The following ARHGAP6 variants were observed in gnomAD, a reference collection of about 807,000 sequenced individuals.
ARHGAP6 encodes the protein rho GTPase-activating protein 6.
In ARHGAP6, 16 loss-of-function variants were observed where a neutral mutation model predicts 55.7. The observed-to-expected ratio is 0.29, with a 90% CI of 0.19 to 0.44. The LOEUF is 0.44. Among genes scored for constraint, ARHGAP6 ranks in the 20% least tolerant of loss-of-function variants. ARHGAP6 has a pLI of 1.00. For missense variants in ARHGAP6, 698 were observed against 808.9 expected, an observed-to-expected ratio of 0.86 and a Z score of 1.66; for synonymous variants, 382 against 360.9, an observed-to-expected ratio of 1.06 and a Z score of -0.66.
chrX:11,546,145 C>CATAT (rs770511041), intron 1 of ARHGAP6, among the ~76,000 whole-genome samples: 6 of 107,527 alleles, frequency 5.6e-5, no homozygotes, highest in South Asian at 4.0e-4. Flanking sequence ...TAAAGTAAAA[C>CATAT]ATATATATAT....
In ARHGAP6 at chrX:11,174,570, C is replaced by CT. The variant is rs1397306319; in HGVS notation, c.1629+3529dup. Among the ~76,000 whole-genome samples the CT allele has an allele frequency of 6.8e-3, 446 of 65,352 alleles. 6 individuals carry two copies. Among genetic ancestry groups the CT allele is most frequent in the African/African-American group, 8.2e-3 (118 of 14,425 alleles). 56.8% of individuals were successfully genotyped at this position (65,352 alleles called of 115,157 possible). On this transcript the variant is annotated intron_variant, in intron 8 of 12. Coordinates refer to ENST00000337414, the MANE Select transcript of ARHGAP6 (RefSeq NM_013427.3). Reference sequence around the variant, plus strand: ...CCTTCCTTCCTTCCTTCCTTCCTTCCTTCCTTTCTTTCTTTCTTTCTTTTT... The same window carrying CT: ...CCTTCCTTCCTTCCTTCCTTCCTTCCTTTCCTTTCTTTCTTTCTTTCTTTTT...
intron 1 of ARHGAP6, among the ~76,000 whole-genome samples, chrX:11,547,899 T>G (rs1325262446): frequency 9.0e-6 from 1 of 111,582 alleles, no homozygotes; most frequent in Non-Finnish European, 1.9e-5. Context: ...GAGTAATAAA[T>G]GAGTATCTGA....
At chrX:11,304,564 G>C (rs2048213312) in intron 1 of ARHGAP6, among the ~76,000 whole-genome samples, 1 of 109,443 alleles carries the variant, frequency 9.1e-6, no homozygotes, top group African/African-American at 3.3e-5. Flanking sequence ...AGGGTAACAG[G>C]AGAGCAACAC....
At chrX:11,147,988 G>A (rs747090211) in intron 10 of ARHGAP6, among the ~76,000 whole-genome samples, 3 of 112,313 alleles carry the variant, frequency 2.7e-5, no homozygotes, top group East Asian at 5.6e-4. Flanking sequence ...AGCTTCTTGA[G>A]TGGGCATTAC....
At chrX:11,650,916 T>G (rs1415177531) in intron 1 of ARHGAP6, among the ~76,000 whole-genome samples, 2 of 112,162 alleles carry the variant, frequency 1.8e-5, no homozygotes, top group African/African-American at 6.5e-5. Flanking sequence ...CTCAGCATTT[T>G]GACACATTCT....
intron 1 of ARHGAP6, among the ~76,000 whole-genome samples, chrX:11,436,370 G>A (rs1309246937): frequency 8.9e-6 from 1 of 112,228 alleles, no homozygotes; most frequent in Admixed American, 9.5e-5. Context: ...GTTGAAGGAG[G>A]ACATAAAGAT....
intron 1 of ARHGAP6, chrX:11,335,757 C>T: frequency 3.2e-6 from 1 of 309,407 alleles, no homozygotes; most frequent in South Asian, 3.4e-5. Flanking sequence ...CTCTTAAAGG[C>T]TTTGGTGGTT....
At chrX:11,149,445 T>G (rs2045743729) in intron 10 of ARHGAP6, among the ~76,000 whole-genome samples, 1 of 109,027 alleles carries the variant, frequency 9.2e-6, no homozygotes, top group Non-Finnish European at 1.9e-5. Context: ...AAGACTTTCT[T>G]GAATGGAGTA....
intron 1 of ARHGAP6, among the ~76,000 whole-genome samples, chrX:11,410,350 T>TC (rs1299575227): frequency 8.9e-6 from 1 of 112,310 alleles, no homozygotes; most frequent in Admixed American, 9.4e-5. Context: ...GACAACACAC[T>TC]CAGTGAAAGG....
chrX:11,265,935 G>C (rs1241624813), intron 1 of ARHGAP6: 27 of 950,901 alleles, frequency 2.8e-5, no homozygotes, highest in Non-Finnish European at 3.3e-5. Context: ...CTTTTCATCG[G>C]ATCATTGAGA....
intron 1 of ARHGAP6, among the ~76,000 whole-genome samples, chrX:11,600,078 T>C: frequency 9.0e-6 from 1 of 111,580 alleles, no homozygotes; most frequent in Middle Eastern, 4.6e-3. Flanking sequence ...GAAACTCTCA[T>C]AGGTGGGTGG....
At chrX:11,228,723 A>C (rs908325550) in intron 2 of ARHGAP6, among the ~76,000 whole-genome samples, 2 of 112,319 alleles carry the variant, frequency 1.8e-5, no homozygotes, top group Non-Finnish European at 3.8e-5. Context: ...TCTTTTTTTG[A>C]GACAACTGCA....
intron 1 of ARHGAP6, among the ~76,000 whole-genome samples, chrX:11,569,547 C>A (rs58732844): frequency 2.7e-5 from 3 of 111,305 alleles, no homozygotes; most frequent in Non-Finnish European, 5.7e-5. Flanking sequence ...AAAACCAAAG[C>A]TCTGACTCTA....
At chrX:11,310,836 C>T (rs1037767609) in intron 1 of ARHGAP6, among the ~76,000 whole-genome samples, 1 of 111,874 alleles carries the variant, frequency 8.9e-6, no homozygotes, top group African/African-American at 3.3e-5. Flanking sequence ...GGTTCAGCCC[C>T]ACTCCTCCCC....
At position 11,439,975 on chromosome X, in the gene ARHGAP6, G is replaced by A. The variant is rs770736457; in HGVS notation, c.589-185268C>T. Among the ~76,000 whole-genome samples the A allele has an allele frequency of 5.3e-5, 6 of 112,664 alleles. No individual in the cohort carries two copies. In the East Asian group the frequency reaches 1.4e-3, roughly 26 times the overall value. ...TCCTAAGTGTTATTGGAAGCCACTC[G>A]CTTGCCTTGCAAGTTTAATCCTACA... On this transcript the variant is annotated intron_variant, in intron 1 of 12. Transcript: ENST00000337414.
chrX:11,269,594 C>T (rs146561715), intron 1 of ARHGAP6, among the ~76,000 whole-genome samples: 1,080 of 75,975 alleles, frequency 0.014, 11 homozygotes, highest in Non-Finnish European at 0.013. Flanking sequence ...GCATAGAGTT[C>T]GCATGTAAGG....
At chrX:11,491,906 C>G (rs1241472243) in intron 1 of ARHGAP6, among the ~76,000 whole-genome samples, 3 of 107,520 alleles carry the variant, frequency 2.8e-5, no homozygotes, top group African/African-American at 6.9e-5. Context: ...GATTGCCATT[C>G]TAACAGGTGT....
At chrX:11,291,274 A>G (rs1052142678) in intron 1 of ARHGAP6, among the ~76,000 whole-genome samples, 1 of 111,708 alleles carries the variant, frequency 9.0e-6, no homozygotes, top group African/African-American at 3.3e-5. Flanking sequence ...GTAGGGGAAA[A>G]TCAATTATTT....
At chrX:11,151,568 A>G (rs748674889) in intron 10 of ARHGAP6, among the ~76,000 whole-genome samples, 18 of 112,068 alleles carry the variant, frequency 1.6e-4, no homozygotes, top group Non-Finnish European at 2.8e-4. Flanking sequence ...GAAGCCAAAT[A>G]CTTAAGCAGA....
Sources: gnomAD v4.1 joint callset for allele counts (sites outside exome capture counted in the v4.1 genomes callset) on GRCh38, gnomAD v4.1.1 for gene constraint, MANE v1.5 for transcripts, NCBI Gene and HGNC (gene_info 2026-07-23, HGNC 2026-07-21) for gene names.